The following MKLN1 variants were observed in gnomAD, a reference collection of about 807,000 sequenced individuals.
The protein encoded by MKLN1 is muskelin 1.
MKLN1 carries 18 observed loss-of-function variants against 99.0 expected under a neutral mutation model. That is an observed-to-expected ratio of 0.18 (90% CI 0.13 to 0.27). The LOEUF is 0.27. Ranked by LOEUF, MKLN1 falls within the 10% of genes least tolerant of loss-of-function variation. MKLN1 has a pLI of 1.00. For missense variants in MKLN1, 621 were observed against 875.9 expected (o/e 0.71, Z 3.67); for synonymous variants, 288 against 293.2 (o/e 0.98, Z 0.18).
intron 2 of MKLN1, among the ~76,000 whole-genome samples, chr7:131,162,213 C>A (rs1037977388): frequency 6.6e-6 from 1 of 151,564 alleles, no homozygotes; most frequent in Non-Finnish European, 1.5e-5. Flanking sequence ...CCACCAAGCC[C>A]GGCTAATTTT....
chr7:131,307,191 AG>A (rs965555726), intron 3 of MKLN1, among the ~76,000 whole-genome samples: 8 of 152,194 alleles, frequency 5.3e-5, no homozygotes, highest in Non-Finnish European at 1.2e-4. Context: ...GTAGGTGTGC[AG>A]AAGGCAACAG....
At chr7:131,216,278 G>C (rs1456385904) in intron 3 of MKLN1, among the ~76,000 whole-genome samples, 1 of 151,672 alleles carries the variant, frequency 6.6e-6, no homozygotes, top group African/African-American at 2.4e-5. Context: ...AAAAATACAG[G>C]AGTGCGTGGT....
intron 2 of MKLN1, among the ~76,000 whole-genome samples, chr7:131,177,252 G>A (rs181413782): frequency 3.9e-5 from 6 of 152,148 alleles, no homozygotes; most frequent in Non-Finnish European, 8.8e-5. Flanking sequence ...GGTGGATCAC[G>A]AGGTCAGGAG....
intron 9 of MKLN1, among the ~76,000 whole-genome samples, chr7:131,433,923 G>C (rs926307059): frequency 1.4e-5 from 2 of 140,394 alleles, no homozygotes; most frequent in South Asian, 4.6e-4. Context: ...TGCTCTTGTT[G>C]CCTAGGCCAG....
intron 7 of MKLN1, among the ~76,000 whole-genome samples, chr7:131,413,794 C>T (rs1039344065): frequency 3.3e-5 from 5 of 152,176 alleles, no homozygotes; most frequent in Non-Finnish European, 1.5e-5. Flanking sequence ...CCACCTTGGC[C>T]TCCCAGAGTG....
chr7:131,282,646 T>C (rs1798069375), intron 3 of MKLN1, among the ~76,000 whole-genome samples: 1 of 152,070 alleles, frequency 6.6e-6, no homozygotes, highest in Non-Finnish European at 1.5e-5. Context: ...TCCCCTTCCT[T>C]CTTTAATTTT....
chr7:131,345,508 G>T (rs1000335244), intron 1 of MKLN1, among the ~76,000 whole-genome samples: 1 of 152,160 alleles, frequency 6.6e-6, no homozygotes, highest in Non-Finnish European at 1.5e-5. Context: ...ATAGAGTCCA[G>T]AAGTTGGAGA....
At chr7:131,462,993 A>G (rs950354659) in intron 12 of MKLN1, among the ~76,000 whole-genome samples, 1 of 152,036 alleles carries the variant, frequency 6.6e-6, no homozygotes, top group Non-Finnish European at 1.5e-5. Context: ...GTGGTGGTGC[A>G]TGCTTGTAGT....
chr7:131,205,110 GAAAA>G (rs1796790277), intron 3 of MKLN1, among the ~76,000 whole-genome samples: 1 of 148,408 alleles, frequency 6.7e-6, no homozygotes, highest in Non-Finnish European at 1.5e-5. Flanking sequence ...AAAAAAAAAA[GAAAA>G]AGAAAAAGCT....
chr7:131,385,999 A>G (rs1445371409), intron 2 of MKLN1, among the ~76,000 whole-genome samples: 1 of 146,102 alleles, frequency 6.8e-6, no homozygotes, highest in East Asian at 2.0e-4. Context: ...TAGCTCTTAC[A>G]TTTAGGTCTT....
chr7:131,163,206 G>T (rs1328819170), intron 2 of MKLN1, among the ~76,000 whole-genome samples: 1 of 152,200 alleles, frequency 6.6e-6, no homozygotes, highest in Non-Finnish European at 1.5e-5. Context: ...ATCATTAGCT[G>T]TGGCAAAAGG....
chr7:131,379,751 G>C (rs1325550853), intron 2 of MKLN1, among the ~76,000 whole-genome samples: 1 of 152,124 alleles, frequency 6.6e-6, no homozygotes, highest in Non-Finnish European at 1.5e-5. Flanking sequence ...TTGAGGTTAG[G>C]GGTACCCCAT....
intron 3 of MKLN1, among the ~76,000 whole-genome samples, chr7:131,268,027 G>A (rs1231690950): frequency 6.6e-6 from 1 of 152,074 alleles, no homozygotes; most frequent in Admixed American, 6.6e-5. Flanking sequence ...AACAAGACAG[G>A]TTTAAGTGTG....
chr7:131,351,511 A>G (rs1319869527), intron 1 of MKLN1, among the ~76,000 whole-genome samples: 1 of 151,942 alleles, frequency 6.6e-6, no homozygotes, highest in African/African-American at 2.4e-5. Flanking sequence ...CCCAGGCTGG[A>G]GTGCAGTGGC....
intron 1 of MKLN1, among the ~76,000 whole-genome samples, chr7:131,329,422 C>T (rs148417852): frequency 6.6e-6 from 1 of 152,168 alleles, no homozygotes; most frequent in Non-Finnish European, 1.5e-5. Flanking sequence ...GATAAACAGT[C>T]CAGCCATGTA....
At chr7:131,226,206 A>G (rs1316299681) in intron 3 of MKLN1, among the ~76,000 whole-genome samples, 1 of 152,186 alleles carries the variant, frequency 6.6e-6, no homozygotes, top group Admixed American at 6.5e-5. Flanking sequence ...TGTCTTGTGC[A>G]GGCTGCCATC....
At chr7:131,269,966 C>T (rs1797860697) in intron 3 of MKLN1, among the ~76,000 whole-genome samples, 1 of 151,848 alleles carries the variant, frequency 6.6e-6, no homozygotes, top group African/African-American at 2.4e-5. Context: ...CTCTGTCATC[C>T]AGGCTGGAGT....
chr7:131,232,351 G>T (rs1311325927), intron 3 of MKLN1, among the ~76,000 whole-genome samples: 1 of 152,146 alleles, frequency 6.6e-6, no homozygotes, highest in Non-Finnish European at 1.5e-5. Flanking sequence ...TTGCCACAAA[G>T]AAATAAAAGA....
At chr7:131,483,175 G>A (rs916691391) in intron 17 of MKLN1, among the ~76,000 whole-genome samples, 6 of 152,084 alleles carry the variant, frequency 3.9e-5, no homozygotes, top group African/African-American at 1.4e-4. Context: ...TCACCTTTTT[G>A]TCCTAGCAGT....
Sources: allele counts gnomAD v4.1 joint callset (sites outside exome capture counted in the v4.1 genomes callset), GRCh38; gene constraint gnomAD v4.1.1; transcripts MANE v1.5; gene names NCBI Gene and HGNC (gene_info 2026-07-23, HGNC 2026-07-21).